Variants in VAV2 observed in about 807,000 individuals in gnomAD.
VAV2 encodes guanine nucleotide exchange factor VAV2.
Under a neutral mutation model 132.5 loss-of-function variants are expected in VAV2, and 67 were observed. The observed-to-expected ratio is 0.51, with a 90% confidence interval of 0.42 to 0.62. VAV2 has a LOEUF of 0.62. VAV2 is among the 20% of genes least tolerant of loss of function. VAV2 has a pLI of 0.00. For missense variants in VAV2, 938 were observed against 1,153.6 expected, an observed-to-expected ratio of 0.81 and a Z score of 2.71; for synonymous variants, 492 against 443.5, an observed-to-expected ratio of 1.11 and a Z score of -1.37.
intron 17 of VAV2, among the ~76,000 whole-genome samples, chr9:133,784,636 G>A (rs1437593929): frequency 6.6e-6 from 1 of 152,256 alleles, no homozygotes; most frequent in Non-Finnish European, 1.5e-5. Context: ...TAACACTGCT[G>A]CACTGGCCTG....
chr9:133,935,191 C>T lies in VAV2; in HGVS notation c.321+3912G>A, dbSNP rs1223847657. On this transcript the variant is annotated intron_variant, in intron 2 of 29. Coordinates refer to ENST00000371850, the MANE Select transcript of VAV2 (RefSeq NM_001134398.2). The surrounding 1 kb of genome is among the most constrained non-coding windows in gnomAD (Gnocchi z 5.2). ...TCTGAGGTTGCTGGAGGCCGCCGAGCTCATTTGGAATGGCCAGGGCGTCCC... is the reference window on the plus strand; with the variant it reads ...TCTGAGGTTGCTGGAGGCCGCCGAGTTCATTTGGAATGGCCAGGGCGTCCC... Among the ~76,000 whole-genome samples, 1 of 152,290 alleles carries T rather than the reference C, an allele frequency of 6.6e-6. No individual in the cohort carries two copies. Among genetic ancestry groups the T allele is most frequent in the Non-Finnish European group, 1.5e-5 (1 of 68,032 alleles).
At chr9:133,793,366 T>TC (rs1482706920) in intron 12 of VAV2, among the ~76,000 whole-genome samples, 2 of 145,888 alleles carry the variant, frequency 1.4e-5, no homozygotes, top group Non-Finnish European at 3.0e-5. Flanking sequence ...TTCCCATCCC[T>TC]CCCGCCCTTC....
intron 2 of VAV2, among the ~76,000 whole-genome samples, chr9:133,910,859 G>A (rs2132042644): frequency 6.6e-6 from 1 of 151,782 alleles, no homozygotes; most frequent in Middle Eastern, 3.4e-3. Context: ...AGAAAACTGG[G>A]GACAGAAATG....
At chr9:133,809,164 A>G (rs774139711) in intron 6 of VAV2, 26 bp from the exon 7 acceptor site, 3 of 1,608,080 alleles carry the variant, frequency 1.9e-6, no homozygotes, top group Non-Finnish European at 1.7e-6. Flanking sequence ...GGGAGTCAGC[A>G]GGACCCCATG....
chr9:133,792,676 G>A (rs1425041931), intron 12 of VAV2, among the ~76,000 whole-genome samples: 7 of 74,972 alleles, frequency 9.3e-5, no homozygotes, highest in African/African-American at 4.8e-4. Flanking sequence ...AGCCCCCAAG[G>A]GACCCCCCCC....
At chr9:133,974,363 C>T (rs752652308) in intron 1 of VAV2, among the ~76,000 whole-genome samples, 4 of 152,198 alleles carry the variant, frequency 2.6e-5, no homozygotes, top group Non-Finnish European at 4.4e-5. Flanking sequence ...GCCCCTCCAA[C>T]CTCCAGCCTC....
At chr9:133,886,730 C>A (rs1838725815) in intron 2 of VAV2, among the ~76,000 whole-genome samples, 1 of 152,242 alleles carries the variant, frequency 6.6e-6, no homozygotes, top group Non-Finnish European at 1.5e-5. Flanking sequence ...GCTGGCAACA[C>A]CCACGTCCAG....
chr9:133,805,505 T>C (rs1212313225), intron 9 of VAV2, among the ~76,000 whole-genome samples: 1 of 151,620 alleles, frequency 6.6e-6, no homozygotes, highest in African/African-American at 2.4e-5. Flanking sequence ...AAACGCCATC[T>C]CCCCAGCCTC....
At chr9:133,843,494 T>C (rs1836807422) in intron 3 of VAV2, among the ~76,000 whole-genome samples, 1 of 152,144 alleles carries the variant, frequency 6.6e-6, no homozygotes, top group African/African-American at 2.4e-5. Flanking sequence ...TGGGAGGCAC[T>C]GTACCTGGCC....
intron 1 of VAV2, among the ~76,000 whole-genome samples, chr9:133,952,664 C>G (rs1313201521): frequency 6.6e-6 from 1 of 151,930 alleles, no homozygotes; most frequent in Admixed American, 6.6e-5. Flanking sequence ...ACCCAGTAGG[C>G]CCTAAATCCA....
Position 133,959,948 on chromosome 9 carries a change from A to G in VAV2, c.205-20729T>C, listed in dbSNP as rs575063497. On this transcript the variant is annotated intron_variant, in intron 1 of 29. Transcript: ENST00000371850. ...CCTCTGGCCTCCGGAACTGGAGGAG[A>G]ATGCACGTTTGTTGTCCAAAGCTCC... Among the ~76,000 whole-genome samples the G allele has an allele frequency of 7.2e-5, 11 of 152,208 alleles. No homozygotes were observed. In the East Asian group the frequency reaches 1.9e-3, roughly 27 times the overall value.
chr9:133,856,031 C>T (rs1462782037), intron 3 of VAV2, among the ~76,000 whole-genome samples: 2 of 152,202 alleles, frequency 1.3e-5, no homozygotes, highest in East Asian at 3.8e-4. Context: ...AAACAAGATG[C>T]GGGGTGGGAG....
chr9:133,992,235 T>A lies in VAV2; in HGVS notation c.44A>T (p.Lys15Met). Residue 15 changes from lysine to methionine, a missense_variant, in exon 1 of 30, where the codon AAG becomes ATG. Transcript: ENST00000371850. This position sits in a 1 kb window ranked among gnomAD's most constrained non-coding sequence, Gnocchi z 5.5. ...CACCCGGTGGTTGGGCGGCAGGACC[T>A]TGCAATCGATGAGCCAGCGGCCGCA... ...RQCGRWLIDC[K>M]VLPPNHRVVW... 6.3e-7 allele frequency: 1 copy of A among 1,587,620 alleles called. No individual in the cohort carries two copies. Among genetic ancestry groups the A allele is most frequent in the East Asian group, 2.3e-5 (1 of 42,722 alleles).
In VAV2 at chr9:133,845,203, T is replaced by C. The variant is rs2428120; in HGVS notation, c.381-10863A>G. Among the ~76,000 whole-genome samples, 1,409 of 152,324 alleles carry C rather than the reference T, an allele frequency of 9.3e-3. 19 individuals are homozygous for C. The highest frequency in any genetic ancestry group is 0.031 in the African/African-American group (1,308 of 41,580). ...GCTTGTCTGCACGTGTGTCCCACCCTGGCCAGAGGCAGAAGCGTGGACGCG... is the reference window on the plus strand; with the variant it reads ...GCTTGTCTGCACGTGTGTCCCACCCCGGCCAGAGGCAGAAGCGTGGACGCG... On this transcript the variant is annotated intron_variant, in intron 3 of 29. Transcript: ENST00000371850.
chr9:133,774,803 T>A (rs1833756163), intron 25 of VAV2, 132 bp downstream of exon 25: 1 of 818,558 alleles, frequency 1.2e-6, no homozygotes, highest in Non-Finnish European at 2.0e-6. Flanking sequence ...TTCATCTCAA[T>A]AATGTCCTCA....
At chr9:133,899,185 G>A (rs1282132564) in intron 2 of VAV2, among the ~76,000 whole-genome samples, 1 of 151,848 alleles carries the variant, frequency 6.6e-6, no homozygotes, top group Non-Finnish European at 1.5e-5. Context: ...CTGCCTCAGG[G>A]TCCCCATCAC....
At chr9:133,881,962 C>G (rs1838515162) in intron 2 of VAV2, among the ~76,000 whole-genome samples, 1 of 152,106 alleles carries the variant, frequency 6.6e-6, no homozygotes, top group Admixed American at 6.5e-5. Flanking sequence ...TGCCAGGTGC[C>G]CAGCGAGTGT....
At chr9:133,807,569 C>G (rs1164984279) in intron 7 of VAV2, among the ~76,000 whole-genome samples, 1 of 152,184 alleles carries the variant, frequency 6.6e-6, no homozygotes, top group Non-Finnish European at 1.5e-5. Context: ...CCTGTGGTGG[C>G]CACTCACACA....
In VAV2 at chr9:133,780,001, C is replaced by T. The variant is rs745329395; in HGVS notation, c.1741-62G>A. 7 of 1,603,130 alleles carry T rather than the reference C, an allele frequency of 4.4e-6. No homozygotes were observed. In the East Asian group the frequency reaches 8.9e-5, roughly 20 times the overall value. ...GGCTGCTCTTTGACTGTGGCCCATGCATCAACGCACCCCGCCCTCCCTGTC... is the reference window on the plus strand; with the variant it reads ...GGCTGCTCTTTGACTGTGGCCCATGTATCAACGCACCCCGCCCTCCCTGTC... On this transcript the variant is annotated intron_variant, in intron 20 of 29. Coordinates refer to ENST00000371850, the MANE Select transcript of VAV2 (RefSeq NM_001134398.2).
Sources: allele counts gnomAD v4.1 joint callset (sites outside exome capture counted in the v4.1 genomes callset), GRCh38; gene constraint gnomAD v4.1.1; non-coding constraint Gnocchi (gnomAD v3.1); transcripts MANE v1.5; gene names NCBI Gene and HGNC (gene_info 2026-07-23, HGNC 2026-07-21).